The following YWHAE variants were observed in gnomAD, a reference collection of about 807,000 sequenced individuals.
YWHAE encodes the protein tyrosine 3-monooxygenase/tryptophan 5-monooxygenase activation protein epsilon.
In YWHAE, 4 loss-of-function variants were observed where a neutral mutation model predicts 30.1. The observed-to-expected ratio is 0.13, with a 90% CI of 0.07 to 0.30. The LOEUF is 0.30. YWHAE is among the 10% of genes least tolerant of loss of function. The pLI, the probability that YWHAE is intolerant of heterozygous loss-of-function variation, is 1.00. For synonymous variants in YWHAE, 118 were observed against 111.8 expected (o/e 1.06, Z -0.35); for missense variants, 121 against 315.9 (o/e 0.38, Z 4.68).
intron 1 of YWHAE, among the ~76,000 whole-genome samples, chr17:1,381,705 CAG>C (rs1267385967): frequency 6.6e-6 from 1 of 151,918 alleles, no homozygotes; most frequent in Non-Finnish European, 1.5e-5. Flanking sequence ...CGCTTCAACT[CAG>C]GAGTTCAAGA....
chr17:1,396,322 G>C (rs769840954), intron 1 of YWHAE, among the ~76,000 whole-genome samples: 3 of 152,114 alleles, frequency 2.0e-5, no homozygotes, highest in African/African-American at 7.2e-5. Context: ...TACTCGGGAG[G>C]GTGAGGCAGG....
chr17:1,364,699 A>C (rs2072917446), intron 2 of YWHAE, 160 bp downstream of exon 2: 2 of 937,910 alleles, frequency 2.1e-6, no homozygotes, highest in South Asian at 3.3e-5. Flanking sequence ...GGTAAGTTTA[A>C]CTTATAAACC....
intron 4 of YWHAE, among the ~76,000 whole-genome samples, chr17:1,356,205 CACACACACACAA>C (rs1345720059): frequency 6.8e-4 from 62 of 91,016 alleles, no homozygotes; most frequent in African/African-American, 3.2e-3. Flanking sequence ...CACACACACA[CACACACACACAA>C]AATTAGCCGG....
intron 4 of YWHAE, among the ~76,000 whole-genome samples, chr17:1,357,509 G>C (rs1261081924): frequency 6.6e-6 from 1 of 152,038 alleles, no homozygotes; most frequent in Non-Finnish European, 1.5e-5. Context: ...GAACCCAGGA[G>C]GCTGAGCTTT....
intron 5 of YWHAE, among the ~76,000 whole-genome samples, chr17:1,347,696 TA>T (rs1336285212): frequency 6.6e-6 from 1 of 152,184 alleles, no homozygotes; most frequent in Non-Finnish European, 1.5e-5. Flanking sequence ...AAAGTATCAT[TA>T]ACACAAACAC....
chr17:1,364,384 G>A (rs919355785), intron 2 of YWHAE, among the ~76,000 whole-genome samples: 11 of 151,910 alleles, frequency 7.2e-5, no homozygotes, highest in African/African-American at 1.2e-4. Context: ...CCGCCACCAC[G>A]CCCAGCTAAT....
At chr17:1,347,619 A>C (rs1165264877) in intron 5 of YWHAE, among the ~76,000 whole-genome samples, 1 of 152,232 alleles carries the variant, frequency 6.6e-6, no homozygotes, top group Non-Finnish European at 1.5e-5. Context: ...TGTTCTCCAA[A>C]GGACAATAAC....
At chr17:1,388,059 G>T (rs971603707) in intron 1 of YWHAE, among the ~76,000 whole-genome samples, 1 of 146,682 alleles carries the variant, frequency 6.8e-6, no homozygotes, top group African/African-American at 2.5e-5. Flanking sequence ...CTGAGTAGCT[G>T]GGATTACAGG....
intron 5 of YWHAE, among the ~76,000 whole-genome samples, chr17:1,348,379 A>G (rs1262896379): frequency 6.6e-6 from 1 of 152,222 alleles, no homozygotes; most frequent in Non-Finnish European, 1.5e-5. Flanking sequence ...ATCACTTGAG[A>G]AAAAGCAATG....
intron 4 of YWHAE, among the ~76,000 whole-genome samples, chr17:1,358,379 A>G (rs2072794823): frequency 6.6e-6 from 1 of 152,084 alleles, no homozygotes; most frequent in Admixed American, 6.5e-5. Context: ...AGCTGGGACT[A>G]CAGGCGCCCG....
intron 4 of YWHAE, among the ~76,000 whole-genome samples, chr17:1,355,306 G>A (rs930569439): frequency 2.0e-5 from 3 of 150,286 alleles, no homozygotes; most frequent in East Asian, 2.0e-4. Context: ...ACAGGCGCCC[G>A]CCACCACACC....
At chr17:1,384,015 C>A (rs554556430) in intron 1 of YWHAE, among the ~76,000 whole-genome samples, 7 of 151,892 alleles carry the variant, frequency 4.6e-5, no homozygotes, top group South Asian at 4.2e-4. Context: ...ACCAACCTGG[C>A]CAACATGGTG....
chr17:1,368,684 A>G (rs187703727), intron 1 of YWHAE, among the ~76,000 whole-genome samples: 1 of 152,300 alleles, frequency 6.6e-6, no homozygotes, highest in Admixed American at 6.5e-5. Context: ...CAGTCACGAA[A>G]CAGTCTAAAT....
intron 1 of YWHAE, among the ~76,000 whole-genome samples, chr17:1,368,384 GGAAA>G (rs1158440338): frequency 6.6e-6 from 1 of 150,378 alleles, no homozygotes; most frequent in African/African-American, 2.4e-5. Flanking sequence ...CTCAAAAAAA[GGAAA>G]AAAAAAGAAA....
intron 4 of YWHAE, among the ~76,000 whole-genome samples, chr17:1,358,572 G>C (rs867249843): frequency 2.6e-5 from 4 of 151,594 alleles, no homozygotes; most frequent in Middle Eastern, 3.4e-3. Flanking sequence ...GGGCGCAGTG[G>C]CTCATGCCTG....
chr17:1,370,930 G>T (rs754027840), intron 1 of YWHAE, among the ~76,000 whole-genome samples: 6 of 151,990 alleles, frequency 3.9e-5, no homozygotes, highest in Non-Finnish European at 8.8e-5. Context: ...AACCCGGGAG[G>T]CGGAGCTGCA....
At chr17:1,354,026 T>C (rs926445035) in intron 5 of YWHAE, among the ~76,000 whole-genome samples, 185 bp downstream of exon 5, 1 of 152,150 alleles carries the variant, frequency 6.6e-6, no homozygotes, top group African/African-American at 2.4e-5. Context: ...CTAAACTAAG[T>C]TCCCAAAATG....
intron 1 of YWHAE, among the ~76,000 whole-genome samples, chr17:1,398,245 A>T (rs536330713): frequency 1.2e-4 from 18 of 152,078 alleles, no homozygotes; most frequent in Non-Finnish European, 2.5e-4. Flanking sequence ...GGAGGAGGAG[A>T]CTTCCAATAC....
intron 1 of YWHAE, among the ~76,000 whole-genome samples, chr17:1,384,206 A>C (rs1167605658): frequency 6.6e-6 from 1 of 152,082 alleles, no homozygotes; most frequent in Non-Finnish European, 1.5e-5. Context: ...CCTGTCTCAA[A>C]AAAATAAAAA....
Sources: allele counts gnomAD v4.1 joint callset (sites outside exome capture counted in the v4.1 genomes callset), GRCh38; gene constraint gnomAD v4.1.1; transcripts MANE v1.5; gene names NCBI Gene and HGNC (gene_info 2026-07-23, HGNC 2026-07-21).